Variants in ANXA1 observed in about 807,000 individuals in gnomAD.
The protein encoded by ANXA1 is annexin I (lipocortin I).
In ANXA1, 39 loss-of-function variants were observed where a neutral mutation model predicts 47.9. That is an observed-to-expected ratio of 0.81 (90% CI 0.63 to 1.06). ANXA1 has a LOEUF of 1.06. Among genes scored for constraint, ANXA1 ranks in the 50% least tolerant of loss-of-function variants. The pLI, the probability that ANXA1 is intolerant of heterozygous loss-of-function variation, is 0.00. For missense variants in ANXA1, 446 were observed against 422.7 expected, an observed-to-expected ratio of 1.06 and a Z score of -0.48; for synonymous variants, 146 against 142.5, an observed-to-expected ratio of 1.02 and a Z score of -0.17.
intron 8 of ANXA1, among the ~76,000 whole-genome samples, chr9:73,163,887 C>T (rs1475947263): frequency 1.3e-5 from 2 of 151,970 alleles, no homozygotes; most frequent in Admixed American, 6.6e-5. Flanking sequence ...AAAGAGTAAG[C>T]ATATTTAACG....
chr9:73,170,010 G>A lies in ANXA1; in HGVS notation c.985-41G>A, dbSNP rs1313713305. ...AAGTAAAAAAAAATAGAGAATTATG[G>A]TTTCGACTAACATTAAGTATACCTT... On this transcript the variant is annotated intron_variant, in intron 12 of 12. Transcript: ENST00000257497. The A allele has an allele frequency of 4.8e-6, 7 of 1,471,142 alleles. No homozygotes were observed. The East Asian group carries it at 6.9e-5, about 15-fold the overall frequency. The allele number at this position is 1,471,142 out of a possible 1,614,324, so 91.1% of individuals were successfully genotyped here.
intron 1 of ANXA1, 90 bp downstream of exon 1, chr9:73,152,014 A>G (rs1386603157): frequency 1.3e-5 from 2 of 152,210 alleles, no homozygotes; most frequent in African/African-American, 4.8e-5. Context: ...TACAGGATTT[A>G]TGGTTAGTTG....
chr9:73,169,164 G>C lies in ANXA1; in HGVS notation c.984+10G>C, dbSNP rs780876153. On this transcript the variant is annotated intron_variant, in intron 12 of 12. Transcript: ENST00000257497. ...TTGCCAAGCCATCCTGGTATGTTTT[G>C]ATTCCTCTAATGCCATCCCAACAAA... 6.2e-6 allele frequency: 10 copies of C among 1,603,788 alleles called. 1 individual carries two copies. Among genetic ancestry groups the C allele is most frequent in the Non-Finnish European group, 8.5e-6 (10 of 1,175,712 alleles).
chr9:73,164,711 T>C (rs916919701), intron 8 of ANXA1, among the ~76,000 whole-genome samples: 11 of 152,290 alleles, frequency 7.2e-5, no homozygotes, highest in Admixed American at 5.9e-4. Context: ...ACAGAAATTC[T>C]AACATCAAAA....
At chr9:73,161,493 T>A (rs548361443) in intron 6 of ANXA1, among the ~76,000 whole-genome samples, 2 of 152,280 alleles carry the variant, frequency 1.3e-5, no homozygotes, top group Admixed American at 1.3e-4. Flanking sequence ...AATGATGTGC[T>A]CAACACTGAA....
chr9:73,169,229 A>T (rs1588227862), intron 12 of ANXA1, 75 bp downstream of exon 12: 1 of 1,443,232 alleles, frequency 6.9e-7, no homozygotes, highest in East Asian at 2.4e-5. Context: ...AGAAGAGTTG[A>T]CTTATTGTAT....
At chr9:73,165,087 G>A (rs892584398) in intron 8 of ANXA1, 29 bp from the exon 9 acceptor site, 1 of 1,551,834 alleles carries the variant, frequency 6.4e-7, no homozygotes, top group Non-Finnish European at 8.9e-7. Flanking sequence ...AGCAGATAGT[G>A]AAGTGTTTAC....
chr9:73,155,699 A>G (rs541408784), intron 1 of ANXA1, among the ~76,000 whole-genome samples: 4 of 152,126 alleles, frequency 2.6e-5, no homozygotes, highest in Admixed American at 2.6e-4. Flanking sequence ...GTTTTTCTCT[A>G]ATTGATTTCT....
At position 73,167,510 on chromosome 9, in the gene ANXA1, A is replaced by T. The variant is rs1824251781; in HGVS notation, c.816A>T (p.Thr272=). 6.2e-7 allele frequency: 1 copy of T among 1,613,364 alleles called. No homozygotes were observed. The change falls in exon 11 of 13, where the codon ACA becomes ACT. Residue 272 remains threonine (T), a synonymous_variant. Coordinates refer to ENST00000257497, the MANE Select transcript of ANXA1 (RefSeq NM_000700.3). ...KCLTAIVKCA[T]SKPAFFAEKL... ...CTTCTCTAACAGTGAAGTGCGCCAC[A>T]AGCAAACCAGCTTTCTTTGCAGAGA...
intron 12 of ANXA1, 94 bp from the exon 13 acceptor site, chr9:73,169,957 C>A: frequency 1.2e-6 from 1 of 818,936 alleles, no homozygotes; most frequent in Non-Finnish European, 1.9e-6. Context: ...ATCTCATCTA[C>A]AGCTAAGTCT....
At chr9:73,154,798 C>G (rs1195307962) in intron 1 of ANXA1, among the ~76,000 whole-genome samples, 1 of 152,216 alleles carries the variant, frequency 6.6e-6, no homozygotes, top group East Asian at 1.9e-4. Context: ...CTTGCCACTA[C>G]TAGCAGGAAG....
chr9:73,167,347 T>G, intron 10 of ANXA1, 150 bp from the exon 11 acceptor site: 1 of 638,726 alleles, frequency 1.6e-6, no homozygotes, highest in Non-Finnish European at 2.7e-6. Flanking sequence ...TTCTCAGAAG[T>G]TAACTGCCCT....
At chr9:73,164,472 C>T (rs1010761568) in intron 8 of ANXA1, among the ~76,000 whole-genome samples, 3 of 152,068 alleles carry the variant, frequency 2.0e-5, no homozygotes, top group African/African-American at 7.2e-5. Context: ...ATTTGCTTTC[C>T]ATTTTAAGAC....
At chr9:73,160,997 T>C in intron 6 of ANXA1, 104 bp downstream of exon 6, 1 of 727,576 alleles carries the variant, frequency 1.4e-6, no homozygotes, top group Non-Finnish European at 2.3e-6. Flanking sequence ...CTTTGGAATC[T>C]CCACATATCA....
intron 10 of ANXA1, among the ~76,000 whole-genome samples, chr9:73,166,563 G>A (rs1005395864): frequency 1.3e-5 from 2 of 152,084 alleles, no homozygotes; most frequent in Non-Finnish European, 2.9e-5. Context: ...TCTACTGCTT[G>A]TTAATTGTAC....
In ANXA1 at chr9:73,170,013, T is replaced by G. The variant is rs529572584; in HGVS notation, c.985-38T>G. 25 of 1,494,804 alleles carry G rather than the reference T, an allele frequency of 1.7e-5. No homozygotes were observed. In the South Asian group the frequency reaches 2.9e-4, roughly 17 times the overall value. The allele number at this position is 1,494,804 out of a possible 1,614,324, so 92.6% of individuals were successfully genotyped here. On this transcript the variant is annotated intron_variant, in intron 12 of 12. Transcript: ENST00000257497. ...TAAAAAAAAATAGAGAATTATGGTT[T>G]CGACTAACATTAAGTATACCTTTTT...
In ANXA1 at chr9:73,158,907, T is replaced by C. The variant is rs1824093891; in HGVS notation, c.175+104T>C. ...TGCAATGGAAAGAATCTGTTTCATT[T>C]TGAAGATAAAAACATTTCTTTGCCA... On this transcript the variant is annotated intron_variant, in intron 3 of 12. Coordinates refer to ENST00000257497, the MANE Select transcript of ANXA1 (RefSeq NM_000700.3). 11 of 960,278 alleles carry C rather than the reference T, an allele frequency of 1.1e-5. 1 individual carries two copies. In the South Asian group the frequency reaches 1.7e-4, roughly 15 times the overall value. The allele number at this position is 960,278 out of a possible 1,614,324, so 59.5% of individuals were successfully genotyped here.
In ANXA1 at chr9:73,167,538, C is replaced by CT; in HGVS notation, c.846dup (p.His283SerfsTer12). On this transcript the variant is annotated frameshift_variant, in exon 11 of 13. Transcript: ENST00000257497. LOFTEE classifies it high-confidence loss of function. ...CAAACCAGCTTTCTTTGCAGAGAAG[C>CT]TTCATCAAGCCATGAAAGTATGTAC... 6.2e-7 allele frequency: 1 copy of CT among 1,613,372 alleles called. No homozygotes were observed. Among genetic ancestry groups the CT allele is most frequent in the Non-Finnish European group, 8.5e-7 (1 of 1,179,480 alleles).
chr9:73,152,419 A>T (rs1823986447), intron 1 of ANXA1, among the ~76,000 whole-genome samples: 1 of 152,192 alleles, frequency 6.6e-6, no homozygotes, highest in Non-Finnish European at 1.5e-5. Context: ...TGTAAGGAAA[A>T]CAAGATAGAT....
Sources: allele counts gnomAD v4.1 joint callset (sites outside exome capture counted in the v4.1 genomes callset), GRCh38; gene constraint gnomAD v4.1.1; transcripts MANE v1.5; gene names NCBI Gene and HGNC (gene_info 2026-07-23, HGNC 2026-07-21).